Variants in PAN3 observed in about 807,000 individuals in gnomAD.
The protein encoded by PAN3 is poly(A) specific ribonuclease subunit PAN3.
PAN3 carries 19 observed loss-of-function variants against 96.2 expected under a neutral mutation model. The ratio of observed to expected loss-of-function variants is 0.20; its 90% CI spans 0.14 to 0.29. The LOEUF (loss-of-function observed/expected upper bound fraction) is 0.29. Among genes scored for constraint, PAN3 ranks in the 10% least tolerant of loss-of-function variants. The probability of loss-of-function intolerance (pLI) is 1.00; values close to 1 mark genes in which losing one functional copy is unlikely to be tolerated. For synonymous variants in PAN3, 433 were observed against 406.6 expected, an observed-to-expected ratio of 1.06 and a Z score of -0.78; for missense variants, 882 against 1,108.1, an observed-to-expected ratio of 0.80 and a Z score of 2.90.
intron 5 of PAN3, among the ~76,000 whole-genome samples, chr13:28,198,404 AATT>A (rs1488157478): frequency 6.6e-6 from 1 of 152,212 alleles, no homozygotes; most frequent in East Asian, 1.9e-4. Context: ...AGGAAACAAA[AATT>A]ATATGTAAAC....
chr13:28,240,013 C>G (rs565358088), intron 6 of PAN3: 1 of 155,376 alleles, frequency 6.4e-6, no homozygotes, highest in African/African-American at 2.4e-5. Context: ...CTTTTTGACA[C>G]TTGGATTATT....
chr13:28,282,342 T>TG (rs992909198), intron 17 of PAN3, among the ~76,000 whole-genome samples: 9 of 148,430 alleles, frequency 6.1e-5, no homozygotes, highest in Non-Finnish European at 1.3e-4. Context: ...GAGGGGTTGT[T>TG]TTTTTTTTTT....
intron 1 of PAN3, among the ~76,000 whole-genome samples, chr13:28,140,279 A>G (rs1215998177): frequency 6.6e-6 from 1 of 152,098 alleles, no homozygotes; most frequent in Non-Finnish European, 1.5e-5. Context: ...TGTGAGCGTA[A>G]TCTGTTAGAG....
intron 1 of PAN3, among the ~76,000 whole-genome samples, chr13:28,168,153 A>G (rs1299188441): frequency 1.3e-5 from 2 of 152,230 alleles, no homozygotes; most frequent in Admixed American, 6.5e-5. Flanking sequence ...CAGAGATGTA[A>G]TAGTTCTACA....
chr13:28,150,675 A>G (rs1871260364), intron 1 of PAN3, among the ~76,000 whole-genome samples: 1 of 152,052 alleles, frequency 6.6e-6, no homozygotes, highest in African/African-American at 2.4e-5. Flanking sequence ...ATATATAGGT[A>G]ATATCTTTGA....
chr13:28,144,718 C>CCTTTTTTTTTTTTTTTTTTTTT lies in PAN3; in HGVS notation c.430+5631_430+5632insCTTTTTTTTTTTTTTTTTTTTT, dbSNP rs1555267661. On this transcript the variant is annotated intron_variant, in intron 1 of 18. Transcript: ENST00000380958. ...TATCAAAAGCAAACCAAAACATCAT[C>CCTTTTTTTTTTTTTTTTTTTTT]TTTTTTTTTTTTTTTTTTTTTCCTC... is the stretch of plus-strand genomic sequence containing the variant. Among the ~76,000 whole-genome samples, 12 of 46,776 alleles carry CCTTTTTTTTTTTTTTTTTTTTT rather than the reference C, an allele frequency of 2.6e-4. 5 individuals carry two copies. Among genetic ancestry groups the CCTTTTTTTTTTTTTTTTTTTTT allele is most frequent in the Non-Finnish European group, 4.0e-4 (9 of 22,264 alleles). 30.7% of individuals were successfully genotyped at this position (46,776 alleles called of 152,430 possible).
chr13:28,273,697 C>T (rs1014539591), intron 14 of PAN3, among the ~76,000 whole-genome samples: 5 of 152,214 alleles, frequency 3.3e-5, no homozygotes, highest in Admixed American at 3.3e-4. Flanking sequence ...GAATGCTTCA[C>T]ATTAGGATAG....
rs1869723439 is a variant in PAN3, at chr13:28,141,013, T to TTTTTTC, written c.430+1931_430+1932insCTTTTT. 3.4e-5 allele frequency among the ~76,000 whole-genome samples: 5 copies of TTTTTTC among 148,708 alleles called. No individual in the cohort carries two copies. The South Asian group carries it at 6.5e-4, about 19-fold the overall frequency. On this transcript the variant is annotated intron_variant, in intron 1 of 18. Coordinates refer to ENST00000380958, the MANE Select transcript of PAN3 (RefSeq NM_175854.8). ...TGACAGAAAGAGACACTTTTTTTTT[T>TTTTTTC]TTTTTTTTTGAGACGGAGGCTTGCT...
intron 4 of PAN3, 32 bp from the exon 5 acceptor site, chr13:28,197,153 A>G (rs1878149865): frequency 2.5e-6 from 4 of 1,602,598 alleles, no homozygotes; most frequent in Non-Finnish European, 3.4e-6. Flanking sequence ...GGATGTTAGG[A>G]GTGGCCTGGT....
chr13:28,151,996 G>A (rs1403858824), intron 1 of PAN3, among the ~76,000 whole-genome samples: 1 of 152,132 alleles, frequency 6.6e-6, no homozygotes, highest in East Asian at 1.9e-4. Flanking sequence ...GTTCACCAAG[G>A]AATATGGCTT....
Position 28,267,218 on chromosome 13 carries a change from A to G in PAN3, c.1690+7A>G. On this transcript the variant is annotated splice_region_variant and intron_variant, in intron 11 of 18. Coordinates refer to ENST00000380958, the MANE Select transcript of PAN3 (RefSeq NM_175854.8). ...AAAGCATTTGCTGAGCCCTGTGAGT[A>G]ACTTGTAATTTGTCTTTCTGCTGGT... The G allele has an allele frequency of 2.5e-6, 4 of 1,612,286 alleles. No individual in the cohort carries two copies. Among genetic ancestry groups the G allele is most frequent in the Non-Finnish European group, 3.4e-6 (4 of 1,178,414 alleles).
intron 18 of PAN3, 117 bp from the exon 19 acceptor site, chr13:28,292,265 A>G: frequency 9.6e-7 from 1 of 1,040,682 alleles, no homozygotes; most frequent in Non-Finnish European, 1.3e-6. Flanking sequence ...ACTCATGGAT[A>G]TCTGAAAGGG....
At chr13:28,239,708 T>TA (rs1449340094) in intron 6 of PAN3, 1 of 1,260,180 alleles carries the variant, frequency 7.9e-7, no homozygotes, top group Admixed American at 2.3e-5. Context: ...TCTGTTTGTT[T>TA]AACTGAAGGG....
At chr13:28,176,941 T>C (rs1875091948) in intron 3 of PAN3, among the ~76,000 whole-genome samples, 1 of 152,130 alleles carries the variant, frequency 6.6e-6, no homozygotes, top group Admixed American at 6.5e-5. Context: ...TTATTTAATA[T>C]TAAATTCATG....
intron 17 of PAN3, among the ~76,000 whole-genome samples, chr13:28,286,121 A>C (rs959704246): frequency 1.3e-5 from 2 of 152,182 alleles, no homozygotes; most frequent in Non-Finnish European, 2.9e-5. Context: ...GTTGTTATAC[A>C]TGATTTTTGT....
intron 1 of PAN3, among the ~76,000 whole-genome samples, chr13:28,160,329 G>A (rs1872741898): frequency 6.6e-6 from 1 of 152,188 alleles, no homozygotes. Context: ...CAGTCTTTAT[G>A]ATAGTTAAAG....
At chr13:28,218,506 C>T (rs1397924984) in intron 5 of PAN3, among the ~76,000 whole-genome samples, 6 of 152,138 alleles carry the variant, frequency 3.9e-5, no homozygotes, top group East Asian at 1.9e-4. Context: ...TTTTGGCATC[C>T]GTGGTTATTG....
At chr13:28,238,026 C>T (rs1213589083) in intron 6 of PAN3, among the ~76,000 whole-genome samples, 1 of 152,122 alleles carries the variant, frequency 6.6e-6, no homozygotes, top group Non-Finnish European at 1.5e-5. Context: ...ATTTAATAAA[C>T]AGTGGAAAAA....
At chr13:28,155,361 G>A (rs1163183244) in intron 1 of PAN3, among the ~76,000 whole-genome samples, 5 of 152,048 alleles carry the variant, frequency 3.3e-5, no homozygotes, top group African/African-American at 7.2e-5. Flanking sequence ...AGGCCGAGGC[G>A]GGTGAATCAC....
Sources: allele counts gnomAD v4.1 joint callset (sites outside exome capture counted in the v4.1 genomes callset), GRCh38; gene constraint gnomAD v4.1.1; transcripts MANE v1.5; gene names NCBI Gene and HGNC (gene_info 2026-07-23, HGNC 2026-07-21).